The following ADAMTS6 variants were observed in gnomAD, a reference collection of about 807,000 sequenced individuals.
ADAMTS6 encodes the protein A disintegrin and metalloproteinase with thrombospondin motifs 6.
A neutral mutation model predicts 144.3 loss-of-function variants in ADAMTS6; 23 were observed. The observed-to-expected ratio is 0.16, with a 90% CI of 0.11 to 0.23. ADAMTS6 has a LOEUF of 0.23. Ranked by LOEUF, ADAMTS6 falls within the 10% of genes least tolerant of loss-of-function variation. ADAMTS6 has a pLI of 1.00. For missense variants in ADAMTS6, 999 were observed against 1,379.6 expected (o/e 0.72, Z 4.37); for synonymous variants, 444 against 457.5 (o/e 0.97, Z 0.38).
chr5:65,263,005 A>G, intron 12 of ADAMTS6, 43 bp from the exon 13 acceptor site: 1 of 1,612,484 alleles, frequency 6.2e-7, no homozygotes, highest in Non-Finnish European at 8.5e-7. Context: ...TTTTAGGCAG[A>G]TAGAGCTATC....
intron 7 of ADAMTS6, among the ~76,000 whole-genome samples, chr5:65,416,593 T>C (rs574142969): frequency 1.3e-5 from 2 of 151,942 alleles, no homozygotes; most frequent in South Asian, 4.2e-4. Context: ...CCCCAAAAAT[T>C]AGCCAGGCAT....
intron 1 of ADAMTS6, among the ~76,000 whole-genome samples, chr5:65,476,626 G>A (rs937638639): frequency 6.9e-6 from 1 of 145,938 alleles, no homozygotes; most frequent in African/African-American, 2.5e-5. Context: ...TTTTTTTTTT[G>A]AGACTGAGTC....
intron 14 of ADAMTS6, among the ~76,000 whole-genome samples, chr5:65,246,031 CAT>C (rs918747623): frequency 1.3e-5 from 2 of 152,156 alleles, no homozygotes; most frequent in African/African-American, 4.8e-5. Flanking sequence ...TTAGAAGTGA[CAT>C]AATCTAATTT....
chr5:65,275,339 GAAGAAAGAAAGAAGAGAAAGA>G (rs1762386753), intron 11 of ADAMTS6, among the ~76,000 whole-genome samples: 2 of 119,512 alleles, frequency 1.7e-5, no homozygotes, highest in African/African-American at 3.1e-5. Context: ...AGAGAGAAAT[GAAGAAAGAAAGAAGAGAAAGA>G]AAGAAAGAAA....
chr5:65,298,895 G>T (rs970869904), intron 10 of ADAMTS6, among the ~76,000 whole-genome samples: 1 of 151,910 alleles, frequency 6.6e-6, no homozygotes, highest in Non-Finnish European at 1.5e-5. Context: ...GCTATTAGTA[G>T]ATATGAAGGA....
intron 12 of ADAMTS6, among the ~76,000 whole-genome samples, chr5:65,264,583 C>T (rs1761461723): frequency 6.6e-6 from 1 of 152,120 alleles, no homozygotes; most frequent in South Asian, 2.1e-4. Context: ...CCTCTTACCA[C>T]TTACCACTAC....
chr5:65,414,107 C>T (rs1004766863), intron 7 of ADAMTS6, among the ~76,000 whole-genome samples: 27 of 152,084 alleles, frequency 1.8e-4, no homozygotes, highest in South Asian at 2.1e-4. Flanking sequence ...AAGAAAGAGG[C>T]GGGAATCCAT....
chr5:65,291,042 T>C (rs897501742), intron 11 of ADAMTS6, among the ~76,000 whole-genome samples: 2 of 151,996 alleles, frequency 1.3e-5, no homozygotes, highest in Non-Finnish European at 2.9e-5. Context: ...AAAGACGAAA[T>C]AAAGTTGGCA....
chr5:65,445,290 G>A (rs1004536042), intron 7 of ADAMTS6, among the ~76,000 whole-genome samples: 2 of 152,116 alleles, frequency 1.3e-5, no homozygotes, highest in South Asian at 4.1e-4. Flanking sequence ...ATATGTGCCT[G>A]TTTTTCAGAC....
intron 10 of ADAMTS6, among the ~76,000 whole-genome samples, chr5:65,291,796 A>T (rs1240741519): frequency 6.6e-6 from 1 of 152,178 alleles, no homozygotes; most frequent in Non-Finnish European, 1.5e-5. Flanking sequence ...TTTTTATTGA[A>T]AATATAACCA....
At chr5:65,292,779 C>G (rs1242094804) in intron 10 of ADAMTS6, among the ~76,000 whole-genome samples, 1 of 152,000 alleles carries the variant, frequency 6.6e-6, no homozygotes, top group Non-Finnish European at 1.5e-5. Flanking sequence ...AAGTATGGTA[C>G]TAATACAGAT....
intron 7 of ADAMTS6, among the ~76,000 whole-genome samples, chr5:65,378,265 G>A (rs1165189320): frequency 1.3e-5 from 2 of 152,106 alleles, no homozygotes; most frequent in African/African-American, 4.8e-5. Context: ...TTATTCTACA[G>A]ATTTTTCTTC....
At chr5:65,257,144 G>A (rs148952257) in intron 14 of ADAMTS6, among the ~76,000 whole-genome samples, 88 of 151,638 alleles carry the variant, frequency 5.8e-4, no homozygotes, top group African/African-American at 2.0e-3. Flanking sequence ...CATTTATTAA[G>A]GAGTTTGATA....
intron 15 of ADAMTS6, among the ~76,000 whole-genome samples, chr5:65,241,227 CTTTT>C (rs58991614): frequency 1.7e-5 from 2 of 116,280 alleles, no homozygotes; most frequent in South Asian, 5.4e-4. Context: ...AGTATATTTC[CTTTT>C]TTTTTTTTTT....
chr5:65,334,217 G>C (rs188753783), intron 7 of ADAMTS6, 132 bp from the exon 8 acceptor site: 14 of 1,004,720 alleles, frequency 1.4e-5, no homozygotes, highest in Non-Finnish European at 2.0e-5. Flanking sequence ...CTGGAGTGTC[G>C]GCATTTTCAG....
intron 7 of ADAMTS6, among the ~76,000 whole-genome samples, chr5:65,371,518 T>A (rs1408965914): frequency 6.6e-6 from 1 of 151,966 alleles, no homozygotes; most frequent in Non-Finnish European, 1.5e-5. Context: ...AGAAAGGGTA[T>A]CAGCGATGGA....
At chr5:65,366,697 T>G (rs1355531082) in intron 7 of ADAMTS6, among the ~76,000 whole-genome samples, 1 of 152,202 alleles carries the variant, frequency 6.6e-6, no homozygotes, top group East Asian at 1.9e-4. Context: ...GATTTAAAGT[T>G]CAGATTATTC....
At chr5:65,406,775 G>A (rs1754545996) in intron 7 of ADAMTS6, among the ~76,000 whole-genome samples, 1 of 151,618 alleles carries the variant, frequency 6.6e-6, no homozygotes, top group Non-Finnish European at 1.5e-5. Flanking sequence ...TTGGCTGTGG[G>A]TTTGTCATAA....
intron 11 of ADAMTS6, among the ~76,000 whole-genome samples, chr5:65,280,508 C>T (rs1184009428): frequency 6.6e-6 from 1 of 152,082 alleles, no homozygotes; most frequent in East Asian, 1.9e-4. Context: ...GTCTTTAATG[C>T]TATAGACTAT....
Sources: allele counts gnomAD v4.1 joint callset (sites outside exome capture counted in the v4.1 genomes callset), GRCh38; gene constraint gnomAD v4.1.1; transcripts MANE v1.5; gene names NCBI Gene and HGNC (gene_info 2026-07-23, HGNC 2026-07-21).